Variants in KCNH8 observed in about 807,000 individuals in gnomAD.
The protein encoded by KCNH8 is voltage-gated delayed rectifier potassium channel KCNH8.
In KCNH8, 70 loss-of-function variants were observed where a neutral mutation model predicts 103.6. That is an observed-to-expected ratio of 0.68 (90% CI 0.56 to 0.82). The LOEUF is 0.82. KCNH8 is among the 40% of genes least tolerant of loss of function. The probability of loss-of-function intolerance (pLI) is 0.00; values close to 1 mark genes in which losing one functional copy is unlikely to be tolerated. For synonymous variants in KCNH8, 498 were observed against 489.4 expected (o/e 1.02, Z -0.23); for missense variants, 1,217 against 1,329.9 (o/e 0.92, Z 1.32).
At chr3:19,252,974 C>T (rs1199512202) in intron 1 of KCNH8, among the ~76,000 whole-genome samples, 2 of 152,126 alleles carry the variant, frequency 1.3e-5, no homozygotes, top group Non-Finnish European at 2.9e-5. Context: ...GAAGTGTCAA[C>T]ATATTGACAT....
chr3:19,321,366 G>A (rs973049292), intron 3 of KCNH8, among the ~76,000 whole-genome samples: 1 of 151,794 alleles, frequency 6.6e-6, no homozygotes, highest in African/African-American at 2.4e-5. Flanking sequence ...TATCCCAGAG[G>A]TATTGATACA....
intron 3 of KCNH8, among the ~76,000 whole-genome samples, chr3:19,326,356 AAT>A (rs34714826): frequency 0.14 from 18,967 of 135,594 alleles, 1,422 homozygotes; most frequent in African/African-American, 0.19. Context: ...ATGAAAGTTA[AAT>A]ATATATATAT....
chr3:19,336,518 A>T (rs895734159), intron 3 of KCNH8, among the ~76,000 whole-genome samples: 1 of 151,906 alleles, frequency 6.6e-6, no homozygotes, highest in African/African-American at 2.4e-5. Flanking sequence ...CATTAATTAT[A>T]GATAATTATT....
rs150744805 is a variant in KCNH8, at chr3:19,409,283, G to A, written c.1177+13972G>A. On this transcript the variant is annotated intron_variant, in intron 7 of 15. Transcript: ENST00000328405. Reference sequence around the variant, plus strand: ...CTGCCAAGCTGAACTCATAAATGAAGGAGAAATAAAATATTTTACAGACAA... The same window carrying A: ...CTGCCAAGCTGAACTCATAAATGAAAGAGAAATAAAATATTTTACAGACAA... Among the ~76,000 whole-genome samples, 83 of 152,164 alleles carry A rather than the reference G, an allele frequency of 5.5e-4. 1 individual carries two copies. In the East Asian group the frequency reaches 0.013, roughly 23 times the overall value.
intron 1 of KCNH8, among the ~76,000 whole-genome samples, chr3:19,159,202 T>C (rs2063210123): frequency 6.6e-6 from 1 of 151,884 alleles, no homozygotes; most frequent in African/African-American, 2.4e-5. Context: ...TTTATAATAT[T>C]GAACTATCTT....
At chr3:19,379,956 A>G (rs1574992825) in intron 5 of KCNH8, among the ~76,000 whole-genome samples, 1 of 152,206 alleles carries the variant, frequency 6.6e-6, no homozygotes, top group Non-Finnish European at 1.5e-5. Flanking sequence ...TATTTTGAGG[A>G]TAAGACCTTT....
intron 11 of KCNH8, among the ~76,000 whole-genome samples, chr3:19,470,301 G>A (rs1020269723): frequency 1.3e-5 from 2 of 152,150 alleles, no homozygotes; most frequent in Non-Finnish European, 2.9e-5. Flanking sequence ...CTGGATCTCA[G>A]GAACTCTTAC....
At chr3:19,476,316 T>A (rs1305620808) in intron 11 of KCNH8, among the ~76,000 whole-genome samples, 1 of 152,152 alleles carries the variant, frequency 6.6e-6, no homozygotes. Context: ...GACAATGGGC[T>A]TCCTAGGCAG....
intron 3 of KCNH8, among the ~76,000 whole-genome samples, chr3:19,314,164 T>C (rs2065243099): frequency 6.6e-6 from 1 of 152,046 alleles, no homozygotes; most frequent in African/African-American, 2.4e-5. Context: ...TGTTTATTTA[T>C]ATTTTCTTTT....
chr3:19,452,287 A>C (rs1013346909), intron 10 of KCNH8, among the ~76,000 whole-genome samples: 1 of 152,144 alleles, frequency 6.6e-6, no homozygotes, highest in Non-Finnish European at 1.5e-5. Context: ...TGGGAGGCTG[A>C]GATGGGAGGA....
chr3:19,519,075 G>A (rs2068926583), intron 15 of KCNH8, among the ~76,000 whole-genome samples: 1 of 151,934 alleles, frequency 6.6e-6, no homozygotes, highest in South Asian at 2.1e-4. Flanking sequence ...GAGAGACTAT[G>A]TAGGACAACT....
At chr3:19,324,021 G>C (rs900334227) in intron 3 of KCNH8, among the ~76,000 whole-genome samples, 1 of 152,206 alleles carries the variant, frequency 6.6e-6, no homozygotes, top group East Asian at 1.9e-4. Context: ...CACATCAGCT[G>C]TAGTAGTATA....
At chr3:19,317,571 G>A (rs2065289744) in intron 3 of KCNH8, among the ~76,000 whole-genome samples, 1 of 151,716 alleles carries the variant, frequency 6.6e-6, no homozygotes, top group Non-Finnish European at 1.5e-5. Flanking sequence ...CTACCTCAGA[G>A]TATAACTATA....
intron 14 of KCNH8, among the ~76,000 whole-genome samples, chr3:19,516,183 C>T (rs866426213): frequency 2.6e-5 from 4 of 152,190 alleles, no homozygotes; most frequent in Middle Eastern, 6.8e-3. Context: ...CTCCCCTTCC[C>T]TTCCCACCAA....
At position 19,400,457 on chromosome 3, in the gene KCNH8, T is replaced by C. The variant is rs192739567; in HGVS notation, c.1177+5146T>C. ...AGCTAAAATGTTACCTTATGTTCTT[T>C]TTCAAAATTACCTCTAAGACAATGA... is the stretch of plus-strand genomic sequence containing the variant. On this transcript the variant is annotated intron_variant, in intron 7 of 15. Transcript: ENST00000328405. Among the ~76,000 whole-genome samples, 441 of 151,970 alleles carry C rather than the reference T, an allele frequency of 2.9e-3. 5 individuals are homozygous for C. Among genetic ancestry groups the C allele is most frequent in the African/African-American group, 9.9e-3 (412 of 41,526 alleles).
Position 19,486,726 on chromosome 3 carries a change from C to G in KCNH8, c.2041-23637C>G, listed in dbSNP as rs191846853. Among the ~76,000 whole-genome samples, 36 of 152,314 alleles carry G rather than the reference C, an allele frequency of 2.4e-4. No individual in the cohort carries two copies. In the East Asian group the frequency reaches 5.8e-3, roughly 25 times the overall value. ...CCATTTAAAAGTTACCGGTCGCCCC[C>G]CTTTGTAGCCCCGTACAAAGGTTGG... On this transcript the variant is annotated intron_variant, in intron 11 of 15. Coordinates refer to ENST00000328405, the MANE Select transcript of KCNH8 (RefSeq NM_144633.3).
chr3:19,453,168 AGT>A lies in KCNH8; in HGVS notation c.1825+1768_1825+1769del, dbSNP rs2067476034. On this transcript the variant is annotated intron_variant, in intron 10 of 15. Transcript: ENST00000328405. ...AAATAAAGTGTACAGATGGACATAG[AGT>A]GTGGAATAATAGACACGGGAGACCA... Among the ~76,000 whole-genome samples the A allele has an allele frequency of 2.6e-5, 4 of 152,248 alleles. No individual in the cohort carries two copies. The South Asian group carries it at 8.3e-4, about 32-fold the overall frequency.
At chr3:19,417,255 A>C (rs769117747) in intron 7 of KCNH8, among the ~76,000 whole-genome samples, 1 of 150,336 alleles carries the variant, frequency 6.7e-6, no homozygotes, top group Non-Finnish European at 1.5e-5. Context: ...TCCAGTATTT[A>C]TAGGTATTTA....
At chr3:19,241,270 A>G (rs1013966835) in intron 1 of KCNH8, among the ~76,000 whole-genome samples, 23 of 152,126 alleles carry the variant, frequency 1.5e-4, no homozygotes, top group South Asian at 6.2e-4. Flanking sequence ...TTCTGTATCC[A>G]TAATTCATTG....
Sources: allele counts gnomAD v4.1 joint callset (sites outside exome capture counted in the v4.1 genomes callset), GRCh38; gene constraint gnomAD v4.1.1; transcripts MANE v1.5; gene names NCBI Gene and HGNC (gene_info 2026-07-23, HGNC 2026-07-21).